Variants in NMT2 observed in about 807,000 individuals in gnomAD.
The protein encoded by NMT2 is N-myristoyltransferase 2.
In NMT2, 35 loss-of-function variants were observed where a neutral mutation model predicts 65.4. That is an observed-to-expected ratio of 0.54 (90% CI 0.41 to 0.71). NMT2 has a LOEUF of 0.71. Among genes scored for constraint, NMT2 ranks in the 30% least tolerant of loss-of-function variants. The pLI, the probability that NMT2 is intolerant of heterozygous loss-of-function variation, is 0.00. For missense variants in NMT2, 489 were observed against 611.3 expected (o/e 0.80, Z 2.11); for synonymous variants, 226 against 231.8 (o/e 0.98, Z 0.23).
intron 9 of NMT2, among the ~76,000 whole-genome samples, chr10:15,117,211 A>T (rs1196387747): frequency 2.6e-5 from 4 of 152,220 alleles, no homozygotes; most frequent in Non-Finnish European, 5.9e-5. Context: ...GACCAAGTGG[A>T]TATTTTCTAG....
rs1433706802 is a variant in NMT2, at chr10:15,107,180, T to C, written c.*2015A>G. On this transcript the variant is annotated 3_prime_UTR_variant, in exon 12 of 12. Transcript: ENST00000378165. ...TTGAGGGACACCGGAATTTGAATTT[T>C]GTGTAATTTGCACATGTCACAAAAT... 3 of 201,328 alleles carry C rather than the reference T, an allele frequency of 1.5e-5. No individual in the cohort carries two copies. The highest frequency in any genetic ancestry group is 7.1e-5 in the African/African-American group (3 of 42,294). 12.5% of individuals were successfully genotyped at this position (201,328 alleles called of 1,614,324 possible).
At chr10:15,140,338 G>A (rs1229595423) in intron 2 of NMT2, among the ~76,000 whole-genome samples, 1 of 152,012 alleles carries the variant, frequency 6.6e-6, no homozygotes, top group Non-Finnish European at 1.5e-5. Flanking sequence ...TGCCCAGGCT[G>A]GTCTTGAACT....
At chr10:15,116,725 GA>G (rs1845759279) in intron 9 of NMT2, among the ~76,000 whole-genome samples, 1 of 152,148 alleles carries the variant, frequency 6.6e-6, no homozygotes, top group Admixed American at 6.6e-5. Flanking sequence ...TATCTGGTAT[GA>G]AAGAAGAGAT....
At chr10:15,110,985 G>T (rs1367532670) in intron 10 of NMT2, among the ~76,000 whole-genome samples, 1 of 151,792 alleles carries the variant, frequency 6.6e-6, no homozygotes, top group Non-Finnish European at 1.5e-5. Context: ...TAGAGACCGG[G>T]TTTCACCGTG....
intron 11 of NMT2, among the ~76,000 whole-genome samples, 153 bp downstream of exon 11, chr10:15,109,549 G>A (rs1177129641): frequency 1.3e-5 from 2 of 151,784 alleles, no homozygotes; most frequent in African/African-American, 4.8e-5. Context: ...CCAGCCTGGG[G>A]GACAGAGCGA....
At chr10:15,166,492 C>G (rs1310057571) in intron 1 of NMT2, among the ~76,000 whole-genome samples, 1 of 152,154 alleles carries the variant, frequency 6.6e-6, no homozygotes, top group Admixed American at 6.5e-5. Flanking sequence ...GTACATGAGC[C>G]AAATAAAACA....
intron 1 of NMT2, among the ~76,000 whole-genome samples, chr10:15,164,140 G>A (rs1029134827): frequency 9.3e-5 from 13 of 139,458 alleles, no homozygotes; most frequent in Admixed American, 2.4e-4. Context: ...CCGAGATCGC[G>A]CCACTGCACT....
intron 1 of NMT2, among the ~76,000 whole-genome samples, chr10:15,156,311 C>T (rs1340112074): frequency 6.6e-6 from 1 of 152,174 alleles, no homozygotes. Context: ...CACTCTCATT[C>T]TTCTCTCTCC....
chr10:15,116,409 C>T (rs10906831), intron 9 of NMT2, among the ~76,000 whole-genome samples: 29,772 of 151,976 alleles, frequency 0.2, 6,416 homozygotes, highest in African/African-American at 0.54. Context: ...TACCAAAATA[C>T]GTCAGAAATA....
intron 10 of NMT2, among the ~76,000 whole-genome samples, chr10:15,111,506 T>C (rs1371076355): frequency 9.9e-6 from 1 of 100,956 alleles, no homozygotes; most frequent in Non-Finnish European, 1.9e-5. Flanking sequence ...GCAAGACTCA[T>C]CTCAAAAAAA....
intron 1 of NMT2, among the ~76,000 whole-genome samples, chr10:15,163,602 G>A (rs1209016844): frequency 6.6e-6 from 1 of 152,162 alleles, no homozygotes; most frequent in African/African-American, 2.4e-5. Flanking sequence ...GCAGCTTTGA[G>A]TTATCCCTAA....
At chr10:15,152,149 G>A (rs952263366) in intron 1 of NMT2, among the ~76,000 whole-genome samples, 8 of 152,314 alleles carry the variant, frequency 5.3e-5, no homozygotes, top group Admixed American at 1.3e-4. Context: ...GATGAGAGAC[G>A]GAGAAAACAA....
At position 15,154,937 on chromosome 10, in the gene NMT2, G is replaced by A. The variant is rs201608109; in HGVS notation, c.111-13380C>T. On this transcript the variant is annotated intron_variant, in intron 1 of 11. Transcript: ENST00000378165. ...CCACATGCTTGCCATCCAACCACTC[G>A]GTCTTGGCAGTGCAGATGAAAATCT... is the stretch of plus-strand genomic sequence containing the variant. The A allele has an allele frequency of 1.7e-4, 177 of 1,036,828 alleles. No individual in the cohort carries two copies. The East Asian group carries it at 3.7e-3, about 22-fold the overall frequency. 64.2% of individuals were successfully genotyped at this position (1,036,828 alleles called of 1,614,324 possible). A position where few individuals can be genotyped will look rare whatever the true frequency, so the allele number is the denominator to read the frequency against.
Position 15,109,206 on chromosome 10 carries a change from C to CT in NMT2, c.1485dup (p.Val496SerfsTer11). On this transcript the variant is annotated frameshift_variant, in exon 12 of 12. Coordinates refer to ENST00000378165, the MANE Select transcript of NMT2 (RefSeq NM_004808.3). LOFTEE classifies it high-confidence loss of function. The stretch of plus-strand genomic sequence containing the variant: ...ATAAAAATATCCATCTATTGTAGTA[C>CT]TAGTCCAACCTGAAGGGAGGGAAGA... The CT allele has an allele frequency of 1.2e-6, 2 of 1,603,964 alleles. No individual in the cohort carries two copies. Among genetic ancestry groups the CT allele is most frequent in the African/African-American group, 2.7e-5 (2 of 74,378 alleles).
chr10:15,154,954 T>G (rs1832940747), intron 1 of NMT2: 1 of 1,110,578 alleles, frequency 9.0e-7, no homozygotes, highest in South Asian at 1.2e-5. Flanking sequence ...GCAGTGCAGA[T>G]GAAAATCTGG....
At chr10:15,159,396 ATATT>A (rs112463294) in intron 1 of NMT2, among the ~76,000 whole-genome samples, 70 of 149,308 alleles carry the variant, frequency 4.7e-4, no homozygotes, top group African/African-American at 1.1e-3. Flanking sequence ...CCTCCTTAAA[ATATT>A]TATTTATTTA....
At chr10:15,121,905 CTAAATT>C (rs1845942643) in intron 8 of NMT2, among the ~76,000 whole-genome samples, 1 of 152,258 alleles carries the variant, frequency 6.6e-6, no homozygotes, top group African/African-American at 2.4e-5. Flanking sequence ...ATTTAATAAT[CTAAATT>C]TAGAGAATTT....
intron 9 of NMT2, among the ~76,000 whole-genome samples, chr10:15,114,150 T>C (rs542789500): frequency 4.6e-5 from 7 of 152,338 alleles, no homozygotes; most frequent in Admixed American, 1.3e-4. Flanking sequence ...AGCAGCTCAG[T>C]ATTGGAGATG....
chr10:15,168,399 G>A lies in NMT2; in HGVS notation c.110+104C>T, dbSNP rs577771216. 28 of 814,358 alleles carry A rather than the reference G, an allele frequency of 3.4e-5. No homozygotes were observed. The South Asian group carries it at 4.4e-4, about 13-fold the overall frequency. The allele number at this position is 814,358 out of a possible 1,614,324, so 50.4% of individuals were successfully genotyped here. ...CACGGAGAAGCCATCGCGGGGCGGA[G>A]CGGCCGAAGAACCCCCAGTCCTGGG... is the stretch of plus-strand genomic sequence containing the variant. On this transcript the variant is annotated intron_variant, in intron 1 of 11. Coordinates refer to ENST00000378165, the MANE Select transcript of NMT2 (RefSeq NM_004808.3).
Sources: allele counts gnomAD v4.1 joint callset (sites outside exome capture counted in the v4.1 genomes callset), GRCh38; gene constraint gnomAD v4.1.1; transcripts MANE v1.5; gene names NCBI Gene and HGNC (gene_info 2026-07-23, HGNC 2026-07-21).